The following TANGO6 variants were observed in gnomAD, a reference collection of about 807,000 sequenced individuals.
The protein encoded by TANGO6 is transport and golgi organization 6 homolog.
In TANGO6, 90 loss-of-function variants were observed where a neutral mutation model predicts 114.2. The ratio of observed to expected loss-of-function variants is 0.79; its 90% CI spans 0.66 to 0.94. The LOEUF (loss-of-function observed/expected upper bound fraction) is 0.94. TANGO6 is among the 40% of genes least tolerant of loss of function. The probability of loss-of-function intolerance (pLI) is 0.00; values close to 1 mark genes in which losing one functional copy is unlikely to be tolerated. For missense variants in TANGO6, 1,274 were observed against 1,315.3 expected, an observed-to-expected ratio of 0.97 and a Z score of 0.49; for synonymous variants, 477 against 509.8, an observed-to-expected ratio of 0.94 and a Z score of 0.87.
intron 9 of TANGO6, among the ~76,000 whole-genome samples, chr16:68,903,615 CAAAAAAAAAAAA>C (rs1175415785): frequency 1.2e-4 from 7 of 59,252 alleles, no homozygotes; most frequent in Non-Finnish European, 2.0e-4. Context: ...GAGACCATCT[CAAAAAAAAAAAA>C]AAAAAAAAGA....
chr16:69,048,258 A>ATTTTTTTTTT lies in TANGO6; in HGVS notation c.3108+7852_3108+7861dup, dbSNP rs71383949. 2.3e-3 allele frequency among the ~76,000 whole-genome samples: 259 copies of ATTTTTTTTTT among 111,588 alleles called. 1 individual carries two copies. The highest frequency in any genetic ancestry group is 6.0e-3 in the African/African-American group (154 of 25,568). 73.2% of individuals were successfully genotyped at this position (111,588 alleles called of 152,430 possible). A position where few individuals can be genotyped will look rare whatever the true frequency, so the allele number is the denominator to read the frequency against. On this transcript the variant is annotated intron_variant, in intron 17 of 17. Transcript: ENST00000261778. ...CCACCAAGTGCAGCTAATTTTTTGT[A>ATTTTTTTTTT]TTTTTTTTTTTTTTTTTTTTTTTTG... is the stretch of plus-strand genomic sequence containing the variant.
intron 14 of TANGO6, among the ~76,000 whole-genome samples, chr16:68,956,157 A>G (rs1567547898): frequency 6.6e-6 from 1 of 152,216 alleles, no homozygotes; most frequent in African/African-American, 2.4e-5. Flanking sequence ...TCTCAAAAAA[A>G]CAAAACAAAA....
intron 17 of TANGO6, among the ~76,000 whole-genome samples, chr16:69,042,656 G>C (rs1959791934): frequency 6.6e-6 from 1 of 152,156 alleles, no homozygotes; most frequent in South Asian, 2.1e-4. Context: ...ATGGGGATGG[G>C]GGACATATAG....
At chr16:68,855,838 T>G (rs1465445384) in intron 1 of TANGO6, among the ~76,000 whole-genome samples, 1 of 151,806 alleles carries the variant, frequency 6.6e-6, no homozygotes, top group African/African-American at 2.4e-5. Flanking sequence ...TGAGTTGAGA[T>G]TGTGCCACCG....
chr16:69,066,821 G>C (rs994062000), intron 17 of TANGO6, among the ~76,000 whole-genome samples: 1 of 152,148 alleles, frequency 6.6e-6, no homozygotes, highest in Non-Finnish European at 1.5e-5. Flanking sequence ...GAGAGGCTGA[G>C]GTGGGGGGAT....
intron 14 of TANGO6, among the ~76,000 whole-genome samples, chr16:68,951,754 A>G (rs1963473591): frequency 6.6e-6 from 1 of 151,790 alleles, no homozygotes; most frequent in South Asian, 2.1e-4. Context: ...CTGGGACTAC[A>G]GGCACCCGCC....
intron 16 of TANGO6, among the ~76,000 whole-genome samples, chr16:69,036,437 A>G (rs1959688087): frequency 6.6e-6 from 1 of 152,202 alleles, no homozygotes; most frequent in Non-Finnish European, 1.5e-5. Context: ...TACATTTCAC[A>G]TGATTTGGTC....
At chr16:68,892,360 A>G (rs1190485046) in intron 7 of TANGO6, among the ~76,000 whole-genome samples, 1 of 152,172 alleles carries the variant, frequency 6.6e-6, no homozygotes. Context: ...GAAATGTGGA[A>G]ATCCCCAGAC....
At chr16:68,864,988 T>C (rs561420162) in intron 3 of TANGO6, among the ~76,000 whole-genome samples, 4 of 152,182 alleles carry the variant, frequency 2.6e-5, no homozygotes, top group Admixed American at 2.6e-4. Flanking sequence ...CATACTTAAG[T>C]GCAGTGGTGC....
intron 9 of TANGO6, among the ~76,000 whole-genome samples, chr16:68,903,954 T>A (rs1172726345): frequency 2.0e-5 from 3 of 152,040 alleles, no homozygotes; most frequent in Non-Finnish European, 4.4e-5. Context: ...TTAAAGAAAC[T>A]CTATAAGAGC....
chr16:68,886,269 C>T (rs1962537814), intron 7 of TANGO6, among the ~76,000 whole-genome samples: 1 of 151,372 alleles, frequency 6.6e-6, no homozygotes, highest in African/African-American at 2.4e-5. Flanking sequence ...GGCTGGAGTG[C>T]AGTGGCACAA....
intron 9 of TANGO6, among the ~76,000 whole-genome samples, chr16:68,907,085 T>A (rs1348373325): frequency 2.7e-5 from 4 of 147,860 alleles, no homozygotes; most frequent in African/African-American, 4.9e-5. Context: ...GTGAGCCACC[T>A]CACCCAGACC....
chr16:69,063,808 C>CTTCTTCTTCTTCTTATTATTATTA (rs56983779), intron 17 of TANGO6, among the ~76,000 whole-genome samples: 16 of 125,582 alleles, frequency 1.3e-4, no homozygotes, highest in African/African-American at 5.2e-4. Context: ...TCTTCTTCTT[C>CTTCTTCTTCTTCTTATTATTATTA]TTATTATTAT....
chr16:69,072,198 A>T (rs1022076707), intron 17 of TANGO6, among the ~76,000 whole-genome samples: 3 of 150,884 alleles, frequency 2.0e-5, no homozygotes, highest in Admixed American at 6.6e-5. Context: ...TCTGAACGCC[A>T]CTCCCTTCCA....
intron 15 of TANGO6, among the ~76,000 whole-genome samples, chr16:69,013,393 A>T (rs1959229643): frequency 6.6e-6 from 1 of 152,066 alleles, no homozygotes; most frequent in Admixed American, 6.6e-5. Flanking sequence ...AGGTGGGAGG[A>T]TCACTTGAGC....
At chr16:69,071,464 G>T (rs527727670) in intron 17 of TANGO6, among the ~76,000 whole-genome samples, 5 of 152,174 alleles carry the variant, frequency 3.3e-5, no homozygotes, top group African/African-American at 1.2e-4. Context: ...GTGTTTTGTT[G>T]ATCTCACACA....
chr16:69,066,473 T>G (rs531179787), intron 17 of TANGO6, among the ~76,000 whole-genome samples: 1 of 151,924 alleles, frequency 6.6e-6, no homozygotes, highest in Non-Finnish European at 1.5e-5. Flanking sequence ...TTTTTTGTAT[T>G]TTTAGTAGAG....
At chr16:68,977,269 A>C (rs1963773623) in intron 15 of TANGO6, among the ~76,000 whole-genome samples, 1 of 151,532 alleles carries the variant, frequency 6.6e-6, no homozygotes, top group African/African-American at 2.4e-5. Context: ...TCCTTGTATC[A>C]GTGAAAGGAG....
At chr16:68,884,001 C>T (rs1280581088) in intron 7 of TANGO6, among the ~76,000 whole-genome samples, 1 of 152,086 alleles carries the variant, frequency 6.6e-6, no homozygotes, top group African/African-American at 2.4e-5. Context: ...CTTACACCTC[C>T]CAGGTTCAAG....
Sources: allele counts gnomAD v4.1 joint callset (sites outside exome capture counted in the v4.1 genomes callset), GRCh38; gene constraint gnomAD v4.1.1; transcripts MANE v1.5; gene names NCBI Gene and HGNC (gene_info 2026-07-23, HGNC 2026-07-21).